Variants in ZYG11A observed in about 807,000 individuals in gnomAD.
ZYG11A encodes the protein protein zyg-11 homolog A.
A neutral mutation model predicts 77.2 loss-of-function variants in ZYG11A; 62 were observed. The observed-to-expected ratio is 0.80, with a 90% CI of 0.65 to 0.99. The LOEUF (loss-of-function observed/expected upper bound fraction) is 0.99. ZYG11A is among the 50% of genes least tolerant of loss of function. The pLI is 0.00. For synonymous variants in ZYG11A, 315 were observed against 324.6 expected, an observed-to-expected ratio of 0.97 and a Z score of 0.32; for missense variants, 828 against 896.8, an observed-to-expected ratio of 0.92 and a Z score of 0.98.
chr1:52,854,664 C>G, intron 2 of ZYG11A, 34 bp downstream of exon 2: 1 of 1,451,642 alleles, frequency 6.9e-7, no homozygotes. Context: ...TCAGCTCTTG[C>G]AGTACTTTAC....
At chr1:52,874,419 C>T (rs1049532949) in intron 8 of ZYG11A, among the ~76,000 whole-genome samples, 2 of 151,592 alleles carry the variant, frequency 1.3e-5, no homozygotes, top group Non-Finnish European at 2.9e-5. Flanking sequence ...TAATTTTTTA[C>T]ATTTTTTTTT....
intron 1 of ZYG11A, among the ~76,000 whole-genome samples, chr1:52,846,310 T>TATATATA (rs1645577708): frequency 2.0e-4 from 7 of 35,800 alleles, no homozygotes; most frequent in African/African-American, 3.5e-4. Context: ...TTTTAAATTT[T>TATATATA]TATATATATA....
intron 13 of ZYG11A, among the ~76,000 whole-genome samples, chr1:52,890,409 T>C (rs1358706972): frequency 2.6e-5 from 4 of 151,012 alleles, no homozygotes; most frequent in African/African-American, 9.8e-5. Flanking sequence ...TAATTTTTTG[T>C]GTATTTTTAG....
At chr1:52,871,119 T>A (rs192244217) in intron 8 of ZYG11A, among the ~76,000 whole-genome samples, 1 of 152,310 alleles carries the variant, frequency 6.6e-6, no homozygotes, top group East Asian at 1.9e-4. Context: ...CATCATGAAG[T>A]ATTTTTAAAA....
At chr1:52,889,793 G>T (rs1646509255) in intron 13 of ZYG11A, among the ~76,000 whole-genome samples, 1 of 150,432 alleles carries the variant, frequency 6.6e-6, no homozygotes, top group South Asian at 2.1e-4. Flanking sequence ...CTCGCTGCAA[G>T]CTCTGCCTCC....
At chr1:52,869,740 G>A (rs1026577113) in intron 8 of ZYG11A, among the ~76,000 whole-genome samples, 53 of 151,972 alleles carry the variant, frequency 3.5e-4, no homozygotes, top group Non-Finnish European at 6.2e-4. Flanking sequence ...ATCATGGCCC[G>A]TTCTCAATGA....
chr1:52,856,984 T>C lies in ZYG11A; in HGVS notation c.257-14T>C. On this transcript the variant is annotated splice_polypyrimidine_tract_variant and intron_variant, in intron 2 of 13. Transcript: ENST00000371528. ...TCTAGTTGTCATTACAAGTTGGTTC[T>C]GGTTCTTTCATAGGCAAGCTGACTG... The C allele has an allele frequency of 6.6e-7, 1 of 1,515,670 alleles. No homozygotes were observed. Among genetic ancestry groups the C allele is most frequent in the Non-Finnish European group, 8.9e-7 (1 of 1,127,852 alleles). The allele number at this position is 1,515,670 out of a possible 1,614,324, so 93.9% of individuals were successfully genotyped here.
intron 8 of ZYG11A, 116 bp from the exon 9 acceptor site, chr1:52,877,566 G>A: frequency 1.4e-6 from 1 of 724,222 alleles, no homozygotes; most frequent in Non-Finnish European, 2.2e-6. Flanking sequence ...CAGCTACTAA[G>A]TGGCAGAACT....
chr1:52,858,967 C>T (rs1645870716), intron 3 of ZYG11A, among the ~76,000 whole-genome samples: 1 of 152,132 alleles, frequency 6.6e-6, no homozygotes, highest in South Asian at 2.1e-4. Context: ...CTCCTTAGTT[C>T]TTCCTAGGGG....
chr1:52,878,910 A>G (rs954049953), intron 10 of ZYG11A, among the ~76,000 whole-genome samples: 2 of 137,632 alleles, frequency 1.5e-5, no homozygotes, highest in Non-Finnish European at 3.0e-5. Context: ...CTGCACTCCA[A>G]TTGCACTCCA....
intron 2 of ZYG11A, among the ~76,000 whole-genome samples, chr1:52,855,743 G>A (rs1229383934): frequency 6.6e-6 from 1 of 152,050 alleles, no homozygotes; most frequent in Admixed American, 6.6e-5. Flanking sequence ...ATCTGTACTC[G>A]TTCCTTTTTA....
rs1469079942 is a variant in ZYG11A, at chr1:52,885,689, TTG to T, written c.1945-138_1945-137del. 18 of 616,758 alleles carry T rather than the reference TTG, an allele frequency of 2.9e-5. No individual in the cohort carries two copies. In the East Asian group the frequency reaches 4.3e-4, roughly 15 times the overall value. 38.2% of individuals were successfully genotyped at this position (616,758 alleles called of 1,614,324 possible). ...TAATTTTTCCCACATTGTTAAGATA[TTG>T]TGTGTATATAATCGTTATGTGATTG... On this transcript the variant is annotated intron_variant, in intron 11 of 13. Transcript: ENST00000371528.
At chr1:52,889,073 C>T (rs146418187) in intron 13 of ZYG11A, among the ~76,000 whole-genome samples, 1 of 152,264 alleles carries the variant, frequency 6.6e-6, no homozygotes, top group African/African-American at 2.4e-5. Context: ...CTCATTTAAT[C>T]TTCACAACAA....
chr1:52,879,461 T>C (rs1021700848), intron 10 of ZYG11A, among the ~76,000 whole-genome samples: 1 of 152,166 alleles, frequency 6.6e-6, no homozygotes, highest in Non-Finnish European at 1.5e-5. Flanking sequence ...AAAGTAGATG[T>C]GAAAGGCTTC....
chr1:52,852,765 A>C (rs1295041160), intron 1 of ZYG11A, among the ~76,000 whole-genome samples: 1 of 152,234 alleles, frequency 6.6e-6, no homozygotes, highest in Non-Finnish European at 1.5e-5. Flanking sequence ...AATGCATTTA[A>C]GACACCTAAA....
chr1:52,884,900 C>CT (rs1646420744), intron 11 of ZYG11A, among the ~76,000 whole-genome samples: 3 of 151,550 alleles, frequency 2.0e-5, no homozygotes, highest in Middle Eastern at 3.4e-3. Flanking sequence ...TTTTCTTTTT[C>CT]TTTCTTTTTT....
intron 5 of ZYG11A, 56 bp downstream of exon 5, chr1:52,864,213 C>A: frequency 6.7e-7 from 1 of 1,497,524 alleles, no homozygotes; most frequent in Non-Finnish European, 9.0e-7. Context: ...ATAGTCTCAG[C>A]TCTGTTGCCC....
At chr1:52,884,935 G>A (rs1646421456) in intron 11 of ZYG11A, among the ~76,000 whole-genome samples, 1 of 149,606 alleles carries the variant, frequency 6.7e-6, no homozygotes, top group Non-Finnish European at 1.5e-5. Context: ...ATGGAGTCTC[G>A]CTCTGTTGTC....
At chr1:52,856,225 G>T (rs1295809197) in intron 2 of ZYG11A, among the ~76,000 whole-genome samples, 1 of 152,050 alleles carries the variant, frequency 6.6e-6, no homozygotes, top group East Asian at 1.9e-4. Flanking sequence ...TATTTACCTG[G>T]TATGCCTCCC....
Sources: gnomAD v4.1 joint callset for allele counts (sites outside exome capture counted in the v4.1 genomes callset) on GRCh38, gnomAD v4.1.1 for gene constraint, MANE v1.5 for transcripts, NCBI Gene and HGNC (gene_info 2026-07-23, HGNC 2026-07-21) for gene names.